The following PTPRT variants were observed in gnomAD, a reference collection of about 807,000 sequenced individuals.
PTPRT encodes the protein protein tyrosine phosphatase receptor type T, also known as receptor-type tyrosine-protein phosphatase T.
Under a neutral mutation model 176.8 loss-of-function variants are expected in PTPRT, and 56 were observed. The observed-to-expected ratio is 0.32, with a 90% CI of 0.26 to 0.40. The LOEUF (loss-of-function observed/expected upper bound fraction) is 0.40. Among genes scored for constraint, PTPRT ranks in the 10% least tolerant of loss-of-function variants. The pLI, the probability that PTPRT is intolerant of heterozygous loss-of-function variation, is 1.00. For synonymous variants in PTPRT, 783 were observed against 739.0 expected, an observed-to-expected ratio of 1.06 and a Z score of -0.96; for missense variants, 1,540 against 1,908.2, an observed-to-expected ratio of 0.81 and a Z score of 3.60.
chr20:42,603,885 C>A (rs2057074), intron 7 of PTPRT, among the ~76,000 whole-genome samples: 46,096 of 152,120 alleles, frequency 0.3, 9,881 homozygotes, highest in African/African-American at 0.61. Flanking sequence ...CTCCTCCATG[C>A]ATATCCAGCT....
chr20:42,224,241 G>A (rs925183205), intron 15 of PTPRT, among the ~76,000 whole-genome samples: 1 of 152,176 alleles, frequency 6.6e-6, no homozygotes, highest in East Asian at 1.9e-4. Flanking sequence ...TGGTGGAGGT[G>A]ACTTTACTCC....
chr20:42,715,983 C>T (rs1449977385), intron 6 of PTPRT, among the ~76,000 whole-genome samples: 1 of 152,116 alleles, frequency 6.6e-6, no homozygotes, highest in African/African-American at 2.4e-5. Flanking sequence ...TGCTGTGAAC[C>T]TAACACTGCT....
chr20:42,465,023 A>T (rs889635049), intron 8 of PTPRT, among the ~76,000 whole-genome samples: 1 of 152,080 alleles, frequency 6.6e-6, no homozygotes, highest in Non-Finnish European at 1.5e-5. Context: ...TATGTTTTGT[A>T]TGTGATTAAC....
chr20:42,484,906 C>T (rs981671728), intron 7 of PTPRT, among the ~76,000 whole-genome samples: 4 of 152,190 alleles, frequency 2.6e-5, no homozygotes, highest in Non-Finnish European at 5.9e-5. Context: ...CTAGCTGCCA[C>T]ATTCTGCTTC....
intron 14 of PTPRT, among the ~76,000 whole-genome samples, chr20:42,243,206 T>C (rs1339917783): frequency 6.6e-6 from 1 of 152,050 alleles, no homozygotes; most frequent in Non-Finnish European, 1.5e-5. Flanking sequence ...TGCCTGTGAA[T>C]GAGATGGGAA....
At chr20:42,161,303 A>G in intron 17 of PTPRT, 49 bp downstream of exon 17, 3 of 1,605,834 alleles carry the variant, frequency 1.9e-6, no homozygotes, top group Non-Finnish European at 2.6e-6. Context: ...TAGTGCCCAA[A>G]TAAGCCTCTG....
At chr20:43,130,996 C>T (rs1345793771) in intron 1 of PTPRT, among the ~76,000 whole-genome samples, 1 of 152,222 alleles carries the variant, frequency 6.6e-6, no homozygotes, top group Non-Finnish European at 1.5e-5. Flanking sequence ...CTCCACCTGA[C>T]GCCTACAACA....
intron 9 of PTPRT, among the ~76,000 whole-genome samples, chr20:42,380,052 C>G (rs901979374): frequency 2.0e-5 from 3 of 152,114 alleles, no homozygotes; most frequent in Non-Finnish European, 4.4e-5. Context: ...TCAATCCTGC[C>G]CAAGGCCTAT....
At chr20:42,744,897 T>C (rs1231847237) in intron 6 of PTPRT, among the ~76,000 whole-genome samples, 1 of 152,172 alleles carries the variant, frequency 6.6e-6, no homozygotes, top group Admixed American at 6.5e-5. Context: ...AGGGCCCTAG[T>C]GATTGCAGAG....
intron 8 of PTPRT, among the ~76,000 whole-genome samples, chr20:42,461,948 G>A (rs964909238): frequency 1.3e-5 from 2 of 151,722 alleles, no homozygotes; most frequent in African/African-American, 4.8e-5. Flanking sequence ...AGTTACAAAG[G>A]GAAATTTTGA....
chr20:42,478,241 T>A (rs1029629803), intron 7 of PTPRT, among the ~76,000 whole-genome samples: 4 of 152,176 alleles, frequency 2.6e-5, no homozygotes, highest in Non-Finnish European at 4.4e-5. Context: ...CGGGCTGACA[T>A]TTTTATTCCT....
intron 1 of PTPRT, among the ~76,000 whole-genome samples, chr20:43,168,673 G>A (rs1387822409): frequency 1.3e-5 from 2 of 152,098 alleles, no homozygotes; most frequent in African/African-American, 2.4e-5. Flanking sequence ...GGAGTGACTT[G>A]GCCACACCTG....
chr20:42,129,812 C>T (rs186249746), intron 18 of PTPRT, among the ~76,000 whole-genome samples: 106 of 152,330 alleles, frequency 7.0e-4, no homozygotes, highest in Middle Eastern at 3.4e-3. Context: ...TTACAAGGCA[C>T]ATTTATTGCA....
chr20:42,696,375 T>C (rs1461736447), intron 6 of PTPRT, among the ~76,000 whole-genome samples: 1 of 145,910 alleles, frequency 6.9e-6, no homozygotes, highest in East Asian at 2.3e-4. Context: ...CTCTCTGCCA[T>C]GTCATGAGTG....
At chr20:42,456,705 T>G (rs2070931941) in intron 8 of PTPRT, among the ~76,000 whole-genome samples, 1 of 152,172 alleles carries the variant, frequency 6.6e-6, no homozygotes. Flanking sequence ...AACTATTTTT[T>G]TGCATATTTA....
intron 16 of PTPRT, among the ~76,000 whole-genome samples, chr20:42,195,061 C>T (rs941431602): frequency 5.3e-5 from 8 of 152,034 alleles, no homozygotes; most frequent in African/African-American, 1.4e-4. Flanking sequence ...TGTTAAATGA[C>T]GAGTTACTGG....
intron 1 of PTPRT, among the ~76,000 whole-genome samples, chr20:43,001,763 G>A (rs1040836423): frequency 1.3e-5 from 2 of 152,054 alleles, no homozygotes; most frequent in Admixed American, 6.6e-5. Context: ...TACCAAGAAA[G>A]ATCACTTTCA....
chr20:42,072,481 C>A (rs1405599836), downstream of PTPRT, among the ~76,000 whole-genome samples: 1 of 152,214 alleles, frequency 6.6e-6, no homozygotes. Flanking sequence ...AACAAAGTTC[C>A]CAGTGATTCT....
chr20:42,927,877 G>T (rs1262534161), intron 1 of PTPRT, among the ~76,000 whole-genome samples: 1 of 152,210 alleles, frequency 6.6e-6, no homozygotes, highest in Non-Finnish European at 1.5e-5. Flanking sequence ...AGACCACTAT[G>T]TATTATTTCT....
Sources: gnomAD v4.1 joint callset for allele counts (sites outside exome capture counted in the v4.1 genomes callset) on GRCh38, gnomAD v4.1.1 for gene constraint, MANE v1.5 for transcripts, NCBI Gene and HGNC (gene_info 2026-07-23, HGNC 2026-07-21) for gene names.